The following TRPM7 variants were observed in gnomAD, a reference collection of about 807,000 sequenced individuals.
The protein encoded by TRPM7 is transient receptor potential cation channel subfamily M member 7, also known as LTRPC ion channel family member 7.
TRPM7 carries 134 observed loss-of-function variants against 229.7 expected under a neutral mutation model. The ratio of observed to expected loss-of-function variants is 0.58; its 90% CI spans 0.51 to 0.67. The LOEUF (loss-of-function observed/expected upper bound fraction) is 0.67. Ranked by LOEUF, TRPM7 falls within the 30% of genes least tolerant of loss-of-function variation. TRPM7 has a pLI of 0.00. For synonymous variants in TRPM7, 699 were observed against 715.2 expected (o/e 0.98, Z 0.36); for missense variants, 1,901 against 2,210.0 (o/e 0.86, Z 2.80).
chr15:50,652,817 A>G (rs1175247716), intron 3 of TRPM7, among the ~76,000 whole-genome samples: 1 of 152,098 alleles, frequency 6.6e-6, no homozygotes, highest in Non-Finnish European at 1.5e-5. Context: ...CTTGGGTAAC[A>G]AAAGGAACTC....
In TRPM7 at chr15:50,570,169, T is replaced by C. The variant is rs1225611030; in HGVS notation, c.5309-14A>G. On this transcript the variant is annotated splice_polypyrimidine_tract_variant and intron_variant, in intron 36 of 38. Coordinates refer to ENST00000646667, the MANE Select transcript of TRPM7 (RefSeq NM_017672.6). ...TTTCACCAACACCTTTATATGTGTA[T>C]ATAAAAAAGACAAATAATTTATATT... is the stretch of plus-strand genomic sequence containing the variant. 2 of 1,562,614 alleles carry C rather than the reference T, an allele frequency of 1.3e-6. No homozygotes were observed. Among genetic ancestry groups the C allele is most frequent in the Admixed American group, 1.8e-5 (1 of 54,840 alleles).
intron 36 of TRPM7, 85 bp from the exon 37 acceptor site, chr15:50,570,240 T>C (rs2053810134): frequency 5.2e-6 from 5 of 961,048 alleles, no homozygotes; most frequent in Non-Finnish European, 7.7e-6. Context: ...AAAATCATCT[T>C]AAGAGATGTT....
chr15:50,664,915 A>G (rs2061840906), intron 1 of TRPM7, among the ~76,000 whole-genome samples: 1 of 152,214 alleles, frequency 6.6e-6, no homozygotes, highest in Non-Finnish European at 1.5e-5. Context: ...CAGTAAGCCA[A>G]GATCACACCA....
At chr15:50,640,013 A>AAAT (rs1241883250) in intron 5 of TRPM7, among the ~76,000 whole-genome samples, 2 of 152,200 alleles carry the variant, frequency 1.3e-5, no homozygotes, top group Non-Finnish European at 2.9e-5. Context: ...TCAAATCACT[A>AAAT]CAAATGCCAG....
intron 19 of TRPM7, among the ~76,000 whole-genome samples, chr15:50,608,415 T>C (rs1369653258): frequency 6.6e-6 from 1 of 152,208 alleles, no homozygotes; most frequent in East Asian, 1.9e-4. Context: ...ATAAGTCACA[T>C]CCTTTATTTG....
chr15:50,565,336 C>T (rs776481323), intron 38 of TRPM7, among the ~76,000 whole-genome samples: 1 of 151,782 alleles, frequency 6.6e-6, no homozygotes, highest in Non-Finnish European at 1.5e-5. Context: ...ATGCTGTCTA[C>T]AAGAAACCCA....
chr15:50,679,524 ATATATATATATATATTTT>A lies in TRPM7; in HGVS notation c.3+6989_3+7006del, dbSNP rs1567129357. ...GTGTATATATATAATATATATATATATATATATATATATATTTTTTTTTTTTTTTGAGACAGAGTCTTG... is the reference window on the plus strand; with the variant it reads ...GTGTATATATATAATATATATATATATTTTTTTTTTTGAGACAGAGTCTTG... On this transcript the variant is annotated intron_variant, in intron 1 of 38. Coordinates refer to ENST00000646667, the MANE Select transcript of TRPM7 (RefSeq NM_017672.6). Among the ~76,000 whole-genome samples, 88 of 45,674 alleles carry A rather than the reference ATATATATATATATATTTT, an allele frequency of 1.9e-3. 2 individuals carry two copies. The highest frequency in any genetic ancestry group is 8.7e-3 in the African/African-American group (83 of 9,578). The allele number at this position is 45,674 out of a possible 152,430, so 30.0% of individuals were successfully genotyped here. A position where few individuals can be genotyped will look rare whatever the true frequency, so the allele number is the denominator to read the frequency against.
chr15:50,603,956 C>T (rs1438756930), intron 21 of TRPM7: 5 of 152,126 alleles, frequency 3.3e-5, no homozygotes, highest in Admixed American at 2.0e-4. Flanking sequence ...GTACGTTAAA[C>T]TGTTAATAGT....
chr15:50,585,416 G>C (rs1397132419), intron 28 of TRPM7, among the ~76,000 whole-genome samples: 1 of 152,170 alleles, frequency 6.6e-6, no homozygotes, highest in African/African-American at 2.4e-5. Context: ...AACAGAAACA[G>C]TAACAGTCAA....
At chr15:50,649,937 G>A (rs887570072) in intron 3 of TRPM7, among the ~76,000 whole-genome samples, 21 of 152,078 alleles carry the variant, frequency 1.4e-4, no homozygotes, top group African/African-American at 4.8e-4. Context: ...GCTCACACCT[G>A]TAATCCCAGC....
At chr15:50,648,615 T>C (rs2061334124) in intron 4 of TRPM7, 72 bp downstream of exon 4, 3 of 1,398,592 alleles carry the variant, frequency 2.1e-6, no homozygotes, top group South Asian at 1.5e-5. Flanking sequence ...TTTGTCAATA[T>C]TGCTACACAA....
At chr15:50,665,402 A>C (rs2061855245) in intron 1 of TRPM7, among the ~76,000 whole-genome samples, 1 of 152,056 alleles carries the variant, frequency 6.6e-6, no homozygotes, top group African/African-American at 2.4e-5. Flanking sequence ...CTAAAAAAAA[A>C]AAAAAAAATT....
rs1355321802 is a variant in TRPM7, at chr15:50,574,702, T to C, written c.5037A>G (p.Arg1679=). ...AGGCAAACGTAAGCTTTTGTGCTGC[T>C]CTCTGTTGTTGAATTTCCTATAAAA... is the stretch of plus-strand genomic sequence containing the variant. ...HLCLREIQQQ[R]AAQKLTFAFN... Residue 1679 remains arginine, a synonymous_variant, in exon 35 of 39, where the codon AGA becomes AGG. Transcript: ENST00000646667. 6.2e-7 allele frequency: 1 copy of C among 1,613,828 alleles called. No individual in the cohort carries two copies. Among genetic ancestry groups the C allele is most frequent in the Non-Finnish European group, 8.5e-7 (1 of 1,179,916 alleles).
At position 50,634,403 on chromosome 15, in the gene TRPM7, T is replaced by C; in HGVS notation, c.986A>G (p.His329Arg). 4 of 1,574,434 alleles carry C rather than the reference T, an allele frequency of 2.5e-6. No individual in the cohort carries two copies. The highest frequency in any genetic ancestry group is 3.4e-6 in the Non-Finnish European group (4 of 1,164,518). Residue 329 changes from histidine to arginine, a missense_variant, in exon 8 of 39, where the codon CAT becomes CGT. Transcript: ENST00000646667. Reference sequence around the variant, plus strand: ...TTACCCTCCTTCTTCTGTTTGTTTATGAATATACGCTAGCAGATCTGCAGC... The same window carrying C: ...TTACCCTCCTTCTTCTGTTTGTTTACGAATATACGCTAGCAGATCTGCAGC... ...GRAADLLAYI[H>R]KQTEEGGNLP...
intron 28 of TRPM7, among the ~76,000 whole-genome samples, chr15:50,585,219 G>C (rs111539864): frequency 6.6e-6 from 1 of 151,804 alleles, no homozygotes; most frequent in South Asian, 2.1e-4. Context: ...CCGCCACCGC[G>C]CCCGGCTAAT....
chr15:50,634,343 A>G, intron 8 of TRPM7, 39 bp downstream of exon 8: 1 of 1,359,596 alleles, frequency 7.4e-7, no homozygotes, highest in Non-Finnish European at 9.7e-7. Flanking sequence ...ATAAATAAAT[A>G]AATAAATAAA....
At chr15:50,666,826 G>C (rs1473152416) in intron 1 of TRPM7, among the ~76,000 whole-genome samples, 7 of 152,088 alleles carry the variant, frequency 4.6e-5, no homozygotes, top group Admixed American at 6.6e-5. Context: ...AGGCGGTGGA[G>C]GTGGCAGCAC....
At chr15:50,585,050 ATTTTTTTTT>A (rs755433337) in intron 28 of TRPM7, among the ~76,000 whole-genome samples, 1 of 95,060 alleles carries the variant, frequency 1.1e-5, no homozygotes, top group Non-Finnish European at 2.0e-5. Flanking sequence ...TAATTTTTGT[ATTTTTTTTT>A]TTTTTTTTTT....
chr15:50,633,021 A>C, intron 8 of TRPM7, 29 bp from the exon 9 acceptor site: 1 of 1,565,242 alleles, frequency 6.4e-7, no homozygotes, highest in Non-Finnish European at 8.6e-7. Flanking sequence ...TAATTCACTG[A>C]TTTCATCTTC....
Sources: gnomAD v4.1 joint callset for allele counts (sites outside exome capture counted in the v4.1 genomes callset) on GRCh38, gnomAD v4.1.1 for gene constraint, MANE v1.5 for transcripts, NCBI Gene and HGNC (gene_info 2026-07-23, HGNC 2026-07-21) for gene names.